Variants in ZNF605 observed in about 807,000 individuals in gnomAD.
ZNF605 encodes the protein zinc finger protein 605.
In ZNF605, 9 loss-of-function variants were observed where a neutral mutation model predicts 7.9. The observed-to-expected ratio is 1.14, with a 90% confidence interval of 0.68 to 1.98. The LOEUF is 1.98. Ranked by LOEUF, ZNF605 falls within the 30% of genes most tolerant of loss-of-function variation. The pLI, the probability that ZNF605 is intolerant of heterozygous loss-of-function variation, is 0.00. For synonymous variants in ZNF605, 255 were observed against 260.1 expected, an observed-to-expected ratio of 0.98 and a Z score of 0.19; for missense variants, 673 against 762.4, an observed-to-expected ratio of 0.88 and a Z score of 1.38.
chr12:132,946,864 G>A (rs1419197352), intron 2 of ZNF605, among the ~76,000 whole-genome samples: 1 of 152,174 alleles, frequency 6.6e-6, no homozygotes, highest in Non-Finnish European at 1.5e-5. Context: ...TCCCTCACGC[G>A]CATCTCCAGA....
Position 132,936,185 on chromosome 12 carries a change from G to A in ZNF605, c.16-3030C>T, listed in dbSNP as rs986088885. On this transcript the variant is annotated intron_variant, in intron 3 of 4. Coordinates refer to ENST00000360187, the MANE Select transcript of ZNF605 (RefSeq NM_183238.4). ...AGAAATGAGAGGTTAATGAAAGTAC[G>A]AAAAATAATCAGAAGACTATAAAAA... Among the ~76,000 whole-genome samples, 364 of 151,604 alleles carry A rather than the reference G, an allele frequency of 2.4e-3. 1 individual carries two copies. Among genetic ancestry groups the A allele is most frequent in the African/African-American group, 8.1e-3 (334 of 41,346 alleles).
At chr12:132,947,008 GT>G (rs111996453) in intron 2 of ZNF605, among the ~76,000 whole-genome samples, 35,601 of 90,284 alleles carry the variant, frequency 0.39, 4,753 homozygotes, top group African/African-American at 0.5. Flanking sequence ...TCACCCCCTT[GT>G]TTTTTTTTGG....
At position 132,926,579 on chromosome 12, in the gene ZNF605, G is replaced by A. The variant is rs914360768; in HGVS notation, c.720C>T (p.Leu240=). The A allele has an allele frequency of 1.2e-5, 20 of 1,614,132 alleles. No individual in the cohort carries two copies. The African/African-American group carries it at 2.7e-4, about 22-fold the overall frequency. The change falls in exon 5 of 5, where the codon CTC becomes CTT. Residue 240 remains leucine, a synonymous_variant. Coordinates refer to ENST00000360187, the MANE Select transcript of ZNF605 (RefSeq NM_183238.4). The part of the protein sequence containing the change: ...CQKAFSRKSL[L]ILHQRIHTGE... The stretch of plus-strand genomic sequence containing the variant: ...CAGTATGAATTCTCTGATGTAAAAT[G>A]AGGAGTGACTTCCTACTAAAAGCTT...
At position 132,945,467 on chromosome 12, in the gene ZNF605, G is replaced by A. The variant is rs1952486020; in HGVS notation, c.15+154C>T. On this transcript the variant is annotated intron_variant, in intron 3 of 4. Coordinates refer to ENST00000360187, the MANE Select transcript of ZNF605 (RefSeq NM_183238.4). ...ATTTTCATGAAACAGAGGATAAACC[G>A]ATAACCCACCTGTGACTGGATCATT... 3 of 626,208 alleles carry A rather than the reference G, an allele frequency of 4.8e-6. 1 individual carries two copies. Among genetic ancestry groups the A allele is most frequent in the South Asian group, 3.9e-5 (2 of 50,704 alleles). 38.8% of individuals were successfully genotyped at this position (626,208 alleles called of 1,614,324 possible). A position where few individuals can be genotyped will look rare whatever the true frequency, so the allele number is the denominator to read the frequency against.
Position 132,926,257 on chromosome 12 carries a change from T to A in ZNF605, c.1042A>T (p.Arg348Trp). The part of the protein sequence containing the change: ...GCGECQKAFS[R>W]NSLLIRHQRI... ...TGATGCCTAATGAGAAGTGAGTTCC[T>A]GCTGAAGGCTTTTTGACACTCACCA... Residue 348 changes from arginine to tryptophan, a missense_variant, in exon 5 of 5, where the codon AGG (arginine) becomes TGG (tryptophan). By Grantham distance (101) the Arg-to-Trp change is moderately radical. Transcript: ENST00000360187. 3.7e-6 allele frequency: 6 copies of A among 1,614,198 alleles called. No individual in the cohort carries two copies. Among genetic ancestry groups the A allele is most frequent in the Non-Finnish European group, 5.1e-6 (6 of 1,180,030 alleles).
chr12:132,950,741 TACAG>T (rs1489060654), intron 1 of ZNF605, among the ~76,000 whole-genome samples: 15 of 151,470 alleles, frequency 9.9e-5, no homozygotes, highest in African/African-American at 2.7e-4. Flanking sequence ...CACAGACATG[TACAG>T]ACATACTGAT....
intron 1 of ZNF605, among the ~76,000 whole-genome samples, chr12:132,950,539 T>G (rs1952547360): frequency 7.2e-6 from 1 of 139,766 alleles, no homozygotes. Flanking sequence ...GCACACACAC[T>G]CAGACACACT....
chr12:132,922,630 G>C lies in ZNF605; in HGVS notation c.*2743C>G, dbSNP rs1952214891. On this transcript the variant is annotated 3_prime_UTR_variant, in exon 5 of 5. Transcript: ENST00000360187. ...TGGCACACTCAGAATATTAACTCAA[G>C]AACAATTAATAAAGGCACTATTTAC... is the stretch of plus-strand genomic sequence containing the variant. 6.6e-6 allele frequency: 1 copy of C among 152,130 alleles called. No individual in the cohort carries two copies. 9.4% of individuals were successfully genotyped at this position (152,130 alleles called of 1,614,324 possible).
Position 132,923,202 on chromosome 12 carries a change from A to C in ZNF605, c.*2171T>G, listed in dbSNP as rs1381035409. 1 of 152,250 alleles carries C rather than the reference A, an allele frequency of 6.6e-6. No individual in the cohort carries two copies. Among genetic ancestry groups the C allele is most frequent in the East Asian group, 1.9e-4 (1 of 5,204 alleles). 9.4% of individuals were successfully genotyped at this position (152,250 alleles called of 1,614,324 possible). On this transcript the variant is annotated 3_prime_UTR_variant, in exon 5 of 5. Transcript: ENST00000360187. ...ATACGTTATCATTACTTTGGCTTTA[A>C]GCAGCCAATTCCCTTTTAAAAAGAT...
intron 3 of ZNF605, among the ~76,000 whole-genome samples, chr12:132,939,145 A>AGG (rs1952403661): frequency 2.6e-4 from 39 of 150,776 alleles, no homozygotes; most frequent in Admixed American, 5.9e-4. Context: ...GCGAGCGCAC[A>AGG]GCGCAGGACT....
rs1952219118 is a variant in ZNF605, at chr12:132,923,234, AAG to A, written c.*2137_*2138del. The A allele has an allele frequency of 6.6e-6, 1 of 152,256 alleles. No homozygotes were observed. The highest frequency in any genetic ancestry group is 1.5e-5 in the Non-Finnish European group (1 of 68,046). The allele number at this position is 152,256 out of a possible 1,614,324, so 9.4% of individuals were successfully genotyped here. A position where few individuals can be genotyped will look rare whatever the true frequency, so the allele number is the denominator to read the frequency against. On this transcript the variant is annotated 3_prime_UTR_variant, in exon 5 of 5. Transcript: ENST00000360187. ...AATTCCCTTTTAAAAAGATTTTAAA[AAG>A]AGAGAAATATCTTTTATATTTACCC... is the stretch of plus-strand genomic sequence containing the variant.
Position 132,945,720 on chromosome 12 carries a change from A to C in ZNF605, c.-85T>G. ...AGTGGCCTCTGGTCAGTGGTCTGTAAACTGAGAATACATCCTTGGTCTTGT... is the reference window on the plus strand; with the variant it reads ...AGTGGCCTCTGGTCAGTGGTCTGTACACTGAGAATACATCCTTGGTCTTGT... On this transcript the variant is annotated 5_prime_UTR_variant, in exon 3 of 5. Transcript: ENST00000360187. 2 of 1,584,080 alleles carry C rather than the reference A, an allele frequency of 1.3e-6. No homozygotes were observed. The highest frequency in any genetic ancestry group is 2.2e-5 in the South Asian group (2 of 90,436).
Position 132,925,535 on chromosome 12 carries a change from T to TG in ZNF605, c.1763dup (p.Tyr589IlefsTer2). ...ATTTCCCACATTCACCACATTTATA[T>TG]GGTCTCTCTCCTGTATGAATTCTCT... is the stretch of plus-strand genomic sequence containing the variant. On this transcript the variant is annotated frameshift_variant, in exon 5 of 5. Coordinates refer to ENST00000360187, the MANE Select transcript of ZNF605 (RefSeq NM_183238.4). LOFTEE classifies it low-confidence loss of function (END_TRUNC). The TG allele has an allele frequency of 6.2e-7, 1 of 1,614,182 alleles. No homozygotes were observed. Among genetic ancestry groups the TG allele is most frequent in the Non-Finnish European group, 8.5e-7 (1 of 1,180,028 alleles).
chr12:132,934,888 T>G (rs1204785223), intron 3 of ZNF605, among the ~76,000 whole-genome samples: 3 of 151,966 alleles, frequency 2.0e-5, no homozygotes, highest in Non-Finnish European at 4.4e-5. Flanking sequence ...TTAACAACAC[T>G]GGGTTAGGTG....
chr12:132,948,855 C>T (rs1163700980), intron 1 of ZNF605, among the ~76,000 whole-genome samples: 5 of 152,096 alleles, frequency 3.3e-5, no homozygotes, highest in Non-Finnish European at 5.9e-5. Flanking sequence ...AGGAACCCCA[C>T]GGTGCACAGC....
At position 132,919,978 on chromosome 12, in the gene ZNF605, A is replaced by C. The variant is rs1487156923; in HGVS notation, c.*5395T>G. The C allele has an allele frequency of 6.6e-6, 1 of 151,474 alleles. No individual in the cohort carries two copies. The highest frequency in any genetic ancestry group is 1.5e-5 in the Non-Finnish European group (1 of 68,124). The allele number at this position is 151,474 out of a possible 1,614,324, so 9.4% of individuals were successfully genotyped here. A position where few individuals can be genotyped will look rare whatever the true frequency, so the allele number is the denominator to read the frequency against. ...TGCCTCAGCCTCCGGAGTAGCTGGG[A>C]CTACACACGTGCCACCAAGCCCGGC... On this transcript the variant is annotated 3_prime_UTR_variant, in exon 5 of 5. Coordinates refer to ENST00000360187, the MANE Select transcript of ZNF605 (RefSeq NM_183238.4).
chr12:132,949,853 G>C (rs1393891107), intron 1 of ZNF605, among the ~76,000 whole-genome samples: 23 of 152,194 alleles, frequency 1.5e-4, no homozygotes, highest in Admixed American at 1.4e-3. Flanking sequence ...CATGGCGCAG[G>C]CTTCGCCCGT....
Position 132,922,131 on chromosome 12 carries a change from T to C in ZNF605, c.*3242A>G, listed in dbSNP as rs909896139. The stretch of plus-strand genomic sequence containing the variant: ...ATCCACAACGAATGGTAGCAGATGA[T>C]GGGTCAGGGGTATTTTAATTGTACA... On this transcript the variant is annotated 3_prime_UTR_variant, in exon 5 of 5. Transcript: ENST00000360187. 5 of 152,170 alleles carry C rather than the reference T, an allele frequency of 3.3e-5. No homozygotes were observed. The highest frequency in any genetic ancestry group is 9.7e-5 in the African/African-American group (4 of 41,430). 9.4% of individuals were successfully genotyped at this position (152,170 alleles called of 1,614,324 possible).
chr12:132,944,272 C>T (rs1431248778), intron 3 of ZNF605, among the ~76,000 whole-genome samples: 1 of 151,676 alleles, frequency 6.6e-6, no homozygotes, highest in East Asian at 1.9e-4. Context: ...GGCTGGAGTG[C>T]AGTGGTGCCA....
Sources: gnomAD v4.1 joint callset for allele counts (sites outside exome capture counted in the v4.1 genomes callset) on GRCh38, gnomAD v4.1.1 for gene constraint, MANE v1.5 for transcripts, NCBI Gene and HGNC (gene_info 2026-07-23, HGNC 2026-07-21) for gene names.